The following AOAH variants were observed in gnomAD, a reference collection of about 807,000 sequenced individuals.
The protein encoded by AOAH is acyloxyacyl hydrolase (neutrophil).
A neutral mutation model predicts 92.2 loss-of-function variants in AOAH; 64 were observed. That is an observed-to-expected ratio of 0.69 (90% CI 0.57 to 0.86). The LOEUF is 0.86. Ranked by LOEUF, AOAH falls within the 40% of genes least tolerant of loss-of-function variation. AOAH has a pLI of 0.00. For synonymous variants in AOAH, 263 were observed against 254.5 expected (o/e 1.03, Z -0.32); for missense variants, 656 against 694.6 (o/e 0.94, Z 0.62).
Position 36,724,264 on chromosome 7 carries a change from T to C in AOAH, c.-116A>G. ...TCTCTCCTTCTCTTCCTCACTCTCTTTGACACACACACCCCACCCTCTCAC... is the reference window on the plus strand; with the variant it reads ...TCTCTCCTTCTCTTCCTCACTCTCTCTGACACACACACCCCACCCTCTCAC... On this transcript the variant is annotated 5_prime_UTR_variant, in exon 1 of 21. Coordinates refer to ENST00000617537, the MANE Select transcript of AOAH (RefSeq NM_001637.4). The C allele has an allele frequency of 1.6e-6, 2 of 1,221,292 alleles. No individual in the cohort carries two copies. The highest frequency in any genetic ancestry group is 2.3e-6 in the Non-Finnish European group (2 of 854,480). The allele number at this position is 1,221,292 out of a possible 1,614,324, so 75.7% of individuals were successfully genotyped here.
chr7:36,616,275 G>A, intron 11 of AOAH, 105 bp downstream of exon 11: 2 of 887,818 alleles, frequency 2.3e-6, no homozygotes, highest in Middle Eastern at 2.1e-4. Context: ...TTGCTAAAGA[G>A]GGAAATTTGC....
intron 16 of AOAH, among the ~76,000 whole-genome samples, chr7:36,532,733 C>A (rs1282244756): frequency 2.6e-5 from 4 of 152,310 alleles, no homozygotes; most frequent in African/African-American, 9.6e-5. Context: ...GAAATGCTCC[C>A]TGCATGGGGC....
chr7:36,716,820 T>C (rs1799211336), intron 1 of AOAH, among the ~76,000 whole-genome samples: 1 of 151,458 alleles, frequency 6.6e-6, no homozygotes, highest in Non-Finnish European at 1.5e-5. Flanking sequence ...CCGGGGCCTG[T>C]TGTGGGGTGG....
At chr7:36,659,137 A>G (rs1443454499) in intron 4 of AOAH, 29 bp downstream of exon 4, 1 of 1,563,414 alleles carries the variant, frequency 6.4e-7, no homozygotes, top group Non-Finnish European at 8.8e-7. Flanking sequence ...GTCCCTGGAA[A>G]CAGATGTTCA....
intron 1 of AOAH, among the ~76,000 whole-genome samples, chr7:36,709,130 C>T (rs1369086444): frequency 6.6e-6 from 1 of 152,130 alleles, no homozygotes; most frequent in African/African-American, 2.4e-5. Context: ...GATCTCCCTG[C>T]TAAACTTATG....
chr7:36,525,903 G>A (rs532355286), intron 19 of AOAH, among the ~76,000 whole-genome samples: 1 of 152,190 alleles, frequency 6.6e-6, no homozygotes, highest in East Asian at 1.9e-4. Flanking sequence ...ATAATTGTGG[G>A]GATCATAAAA....
intron 11 of AOAH, among the ~76,000 whole-genome samples, chr7:36,600,663 C>T (rs1169678198): frequency 6.6e-6 from 1 of 151,868 alleles, no homozygotes; most frequent in Non-Finnish European, 1.5e-5. Context: ...GCCGGGTCAG[C>T]ACCATCCTCA....
chr7:36,600,658 G>A (rs1351392477), intron 11 of AOAH, among the ~76,000 whole-genome samples: 2 of 151,790 alleles, frequency 1.3e-5, no homozygotes, highest in East Asian at 3.9e-4. Context: ...AGCAGGCCGG[G>A]TCAGCACCAT....
chr7:36,717,614 T>A (rs4720214), intron 1 of AOAH, among the ~76,000 whole-genome samples: 94,099 of 151,746 alleles, frequency 0.62, 29,483 homozygotes, highest in East Asian at 0.82. Flanking sequence ...TCTGGGTTCC[T>A]GGCGGCCAAC....
At chr7:36,565,388 A>T (rs1463259584) in intron 13 of AOAH, among the ~76,000 whole-genome samples, 1 of 152,230 alleles carries the variant, frequency 6.6e-6, no homozygotes, top group East Asian at 1.9e-4. Flanking sequence ...GACAAAGGTG[A>T]CTTCTTTGCT....
intron 4 of AOAH, among the ~76,000 whole-genome samples, chr7:36,641,013 G>A (rs1361301485): frequency 6.6e-6 from 1 of 152,282 alleles, no homozygotes; most frequent in East Asian, 1.9e-4. Context: ...ACCCTCAGGG[G>A]TTGAGAAAGC....
chr7:36,546,404 A>AT (rs1000478566), intron 15 of AOAH, among the ~76,000 whole-genome samples: 5 of 152,112 alleles, frequency 3.3e-5, no homozygotes, highest in African/African-American at 1.2e-4. Context: ...ATCTGTCTTT[A>AT]TTTTTTTAAC....
intron 15 of AOAH, among the ~76,000 whole-genome samples, chr7:36,544,659 C>CAGAA (rs571328988): frequency 7.0e-4 from 106 of 152,330 alleles, no homozygotes; most frequent in African/African-American, 2.5e-3. Flanking sequence ...TCACACATGT[C>CAGAA]AGAAACAAAT....
chr7:36,723,069 A>ATTGTT (rs1799748820), intron 1 of AOAH, among the ~76,000 whole-genome samples: 1 of 152,084 alleles, frequency 6.6e-6, no homozygotes, highest in Non-Finnish European at 1.5e-5. Flanking sequence ...CTCCAGAAAC[A>ATTGTT]ATTCCTAAGT....
At chr7:36,636,376 C>T (rs996188149) in intron 5 of AOAH, among the ~76,000 whole-genome samples, 1 of 149,714 alleles carries the variant, frequency 6.7e-6, no homozygotes, top group Admixed American at 6.6e-5. Flanking sequence ...ATTGTAAAAT[C>T]CTAATTAGGA....
chr7:36,683,359 A>G (rs1439602570), intron 2 of AOAH, among the ~76,000 whole-genome samples: 2 of 152,226 alleles, frequency 1.3e-5, no homozygotes, highest in Non-Finnish European at 2.9e-5. Context: ...GGTGGTGAAC[A>G]TTAATCATAC....
At chr7:36,620,939 T>C in intron 8 of AOAH, 110 bp from the exon 9 acceptor site, 2 of 1,011,788 alleles carry the variant, frequency 2.0e-6, no homozygotes, top group Non-Finnish European at 3.0e-6. Context: ...CGAAGTGCCA[T>C]GGAGAGACAA....
At chr7:36,686,057 TCATTA>T (rs1796985880) in intron 2 of AOAH, among the ~76,000 whole-genome samples, 1 of 152,170 alleles carries the variant, frequency 6.6e-6, no homozygotes, top group Non-Finnish European at 1.5e-5. Flanking sequence ...AGAAGTTTAT[TCATTA>T]CGACTGTTCA....
At chr7:36,665,520 C>T (rs1464188115) in intron 3 of AOAH, among the ~76,000 whole-genome samples, 2 of 151,778 alleles carry the variant, frequency 1.3e-5, no homozygotes, top group Non-Finnish European at 2.9e-5. Flanking sequence ...TTCTTCTCAA[C>T]CAGTAGACTT....
Sources: gnomAD v4.1 joint callset for allele counts (sites outside exome capture counted in the v4.1 genomes callset) on GRCh38, gnomAD v4.1.1 for gene constraint, MANE v1.5 for transcripts, NCBI Gene and HGNC (gene_info 2026-07-23, HGNC 2026-07-21) for gene names.